SNED1: variants seen among roughly 807,000 people sequenced by gnomAD.
SNED1 encodes sushi, nidogen and EGF like domains 1.
SNED1 carries 81 observed loss-of-function variants against 166.7 expected under a neutral mutation model. The observed-to-expected ratio is 0.49, with a 90% CI of 0.41 to 0.58. The LOEUF is 0.58. Ranked by LOEUF, SNED1 falls within the 20% of genes least tolerant of loss-of-function variation. The probability of loss-of-function intolerance (pLI) is 0.00; values close to 1 mark genes in which losing one functional copy is unlikely to be tolerated. For missense variants in SNED1, 1,604 were observed against 2,000.2 expected, an observed-to-expected ratio of 0.80 and a Z score of 3.78; for synonymous variants, 762 against 822.0, an observed-to-expected ratio of 0.93 and a Z score of 1.25.
At chr2:241,031,918 C>T (rs752339569) in intron 2 of SNED1, among the ~76,000 whole-genome samples, 1 of 152,222 alleles carries the variant, frequency 6.6e-6, no homozygotes, top group Non-Finnish European at 1.5e-5. Flanking sequence ...ACCTGCACCC[C>T]ATGACTGGAC....
intron 16 of SNED1, among the ~76,000 whole-genome samples, chr2:241,058,002 T>G (rs1231511212): frequency 2.0e-5 from 3 of 152,170 alleles, no homozygotes; most frequent in African/African-American, 7.2e-5. Flanking sequence ...ATGAATGGAC[T>G]AACTCTCCAG....
At position 241,071,714 on chromosome 2, in the gene SNED1, C is replaced by T. The variant is rs534077572; in HGVS notation, c.3728C>T (p.Pro1243Leu). 2 of 1,501,046 alleles carry T rather than the reference C, an allele frequency of 1.3e-6. No individual in the cohort carries two copies. Among genetic ancestry groups the T allele is most frequent in the African/African-American group, 2.8e-5 (2 of 72,342 alleles). The allele number at this position is 1,501,046 out of a possible 1,614,324, so 93.0% of individuals were successfully genotyped here. Residue 1243 changes from proline to leucine, a missense_variant, in exon 25 of 32, where the codon CCC (proline) becomes CTC (leucine). Coordinates refer to ENST00000310397, the MANE Select transcript of SNED1 (RefSeq NM_001080437.3). ...DHSAPETPTQ[P>L]PRFSELVDGR... is the part of the protein sequence containing the mutation. ...AGCGCCCCCGAGACCCCCACCCAGC[C>T]CCCCAGGTACATGCCCCACCCATCG...
chr2:241,057,305 GGA>G (rs1351385489), intron 16 of SNED1, among the ~76,000 whole-genome samples: 2 of 150,720 alleles, frequency 1.3e-5, no homozygotes, highest in African/African-American at 4.9e-5. Flanking sequence ...CTTGAACCTC[GGA>G]GGCGGAGGTT....
chr2:241,067,148 C>T (rs1029368939), intron 21 of SNED1, among the ~76,000 whole-genome samples: 1 of 152,156 alleles, frequency 6.6e-6, no homozygotes, highest in African/African-American at 2.4e-5. Flanking sequence ...GTTGGGGCTC[C>T]AGCCAGCCAT....
intron 8 of SNED1, among the ~76,000 whole-genome samples, chr2:241,044,000 G>A (rs1233144841): frequency 6.6e-6 from 1 of 152,216 alleles, no homozygotes; most frequent in Non-Finnish European, 1.5e-5. Flanking sequence ...CTGTTTGAAG[G>A]TAGGCTGTGT....
At chr2:241,004,136 G>A (rs1574834583) in intron 1 of SNED1, among the ~76,000 whole-genome samples, 2 of 152,350 alleles carry the variant, frequency 1.3e-5, no homozygotes, top group Non-Finnish European at 1.5e-5. Context: ...CCCACCAGGG[G>A]AGCCATGAAG....
At chr2:241,016,164 CA>C (rs1409575614) in intron 1 of SNED1, 6 of 130,466 alleles carry the variant, frequency 4.6e-5, no homozygotes, top group African/African-American at 1.9e-4. Flanking sequence ...GTGTTCCTAA[CA>C]AAAGCCCACT....
intron 21 of SNED1, among the ~76,000 whole-genome samples, chr2:241,065,907 T>G (rs2062427173): frequency 1.6e-5 from 2 of 128,202 alleles, no homozygotes. Flanking sequence ...CCCAAAAGGG[T>G]CCCTAGAAGG....
intron 29 of SNED1, among the ~76,000 whole-genome samples, chr2:241,084,084 T>C (rs1017032034): frequency 1.3e-5 from 2 of 151,834 alleles, no homozygotes; most frequent in African/African-American, 2.4e-5. Flanking sequence ...CTTAACACAA[T>C]GTACCCTTAA....
At chr2:241,087,979 A>C in intron 30 of SNED1, 1 of 400,878 alleles carries the variant, frequency 2.5e-6, no homozygotes, top group Non-Finnish European at 4.4e-6. Context: ...ATGAGTAGCC[A>C]CACGTACTTG....
At position 241,070,191 on chromosome 2, in the gene SNED1, C is replaced by T. The variant is rs780712708; in HGVS notation, c.3579C>T (p.Tyr1193=). The T allele has an allele frequency of 1.9e-6, 3 of 1,605,572 alleles. No individual in the cohort carries two copies. The Admixed American group carries it at 5.0e-5, about 27-fold the overall frequency. ...AGCACAGCGAGCCCGCCCACCTCTA[C>T]ATCATCACCTGTGAGTGCCGTGGGC... ...GPQHSEPAHL[Y]IITSPRDGAD... Residue 1193 remains tyrosine, a synonymous_variant, in exon 24 of 32, where the codon TAC becomes TAT. Coordinates refer to ENST00000310397, the MANE Select transcript of SNED1 (RefSeq NM_001080437.3).
intron 1 of SNED1, among the ~76,000 whole-genome samples, chr2:241,017,506 C>A (rs1450805216): frequency 6.6e-6 from 1 of 152,250 alleles, no homozygotes; most frequent in East Asian, 1.9e-4. Flanking sequence ...AAACACAACC[C>A]TAAGAAATGA....
chr2:241,052,394 G>A lies in SNED1; in HGVS notation c.2009G>A (p.Gly670Asp). 2 of 1,594,110 alleles carry A rather than the reference G, an allele frequency of 1.3e-6. No homozygotes were observed. Among genetic ancestry groups the A allele is most frequent in the Non-Finnish European group, 8.6e-7 (1 of 1,169,512 alleles). Residue 670 changes from glycine to aspartate, a missense_variant, in exon 15 of 32, where the codon GGC (glycine) becomes GAC (aspartate). Transcript: ENST00000310397. ...TTCCGGAGCCCGTGTGTGAATGGGG[G>A]CACCTGCGAGGACCGGGACACGGAT... is the stretch of plus-strand genomic sequence containing the variant. ...PCFRSPCVNG[G>D]TCEDRDTDFF...
At chr2:241,052,624 G>A (rs1054419783) in intron 15 of SNED1, among the ~76,000 whole-genome samples, 156 bp downstream of exon 15, 1 of 140,942 alleles carries the variant, frequency 7.1e-6, no homozygotes, top group African/African-American at 2.6e-5. Context: ...GTGCCAGGCA[G>A]GTGAGAGGGC....
intron 1 of SNED1, among the ~76,000 whole-genome samples, chr2:241,002,796 C>A (rs2060115140): frequency 6.6e-6 from 1 of 152,064 alleles, no homozygotes; most frequent in South Asian, 2.1e-4. Context: ...TCAGTGGGAC[C>A]CAAACAGAAG....
rs1332394798 is a variant in SNED1, at chr2:241,064,620, C to T, written c.2600-224C>T. Among the ~76,000 whole-genome samples the T allele has an allele frequency of 6.6e-6, 1 of 152,214 alleles. No homozygotes were observed. Among genetic ancestry groups the T allele is most frequent in the African/African-American group, 2.4e-5 (1 of 41,452 alleles). Reference sequence around the variant, plus strand: ...TGATCCAGTGTCTCCTCCCCTCAGCCAGTCCGGCTGGTGGCACTCCGCTGT... The same window carrying T: ...TGATCCAGTGTCTCCTCCCCTCAGCTAGTCCGGCTGGTGGCACTCCGCTGT... On this transcript the variant is annotated intron_variant, in intron 19 of 31. Transcript: ENST00000310397. This position sits in a 1 kb window ranked among gnomAD's most constrained non-coding sequence, Gnocchi z 7.0.
chr2:241,012,027 G>T (rs964993090), intron 1 of SNED1, among the ~76,000 whole-genome samples: 1 of 152,204 alleles, frequency 6.6e-6, no homozygotes, highest in Non-Finnish European at 1.5e-5. Context: ...CGAGGCCTCT[G>T]CACACCGCAC....
chr2:240,999,033 G>A lies in SNED1; in HGVS notation c.196G>A (p.Glu66Lys). The A allele has an allele frequency of 2.3e-6, 3 of 1,321,792 alleles. No individual in the cohort carries two copies. The highest frequency in any genetic ancestry group is 3.7e-5 in the South Asian group (2 of 54,462). The allele number at this position is 1,321,792 out of a possible 1,614,324, so 81.9% of individuals were successfully genotyped here. ...GGTGCCCTTCCCGTTCTTCGGTGCC[G>A]AGCACTCCGGACTCTACGTGAGTAA... The part of the protein sequence containing the change: ...LSVPFPFFGA[E>K]HSGLYVNNNG... Residue 66 changes from glutamate (E) to lysine (K), a missense_variant, in exon 1 of 32, where the codon GAG (glutamate) becomes AAG (lysine). Coordinates refer to ENST00000310397, the MANE Select transcript of SNED1 (RefSeq NM_001080437.3). This position sits in a 1 kb window ranked among gnomAD's most constrained non-coding sequence, Gnocchi z 5.8.
chr2:241,049,191 G>A lies in SNED1; in HGVS notation c.1618+56G>A, dbSNP rs2061753292. The A allele has an allele frequency of 2.2e-6, 3 of 1,365,094 alleles. No individual in the cohort carries two copies. The Admixed American group carries it at 5.8e-5, about 26-fold the overall frequency. The allele number at this position is 1,365,094 out of a possible 1,614,324, so 84.6% of individuals were successfully genotyped here. ...CGGGGGCCCGGACAGAAGCCAGGGA[G>A]AAAGCGGTGGATGAGGCAGGCAGAG... On this transcript the variant is annotated intron_variant, in intron 11 of 31. Coordinates refer to ENST00000310397, the MANE Select transcript of SNED1 (RefSeq NM_001080437.3).
Sources: gnomAD v4.1 joint callset for allele counts (sites outside exome capture counted in the v4.1 genomes callset) on GRCh38, gnomAD v4.1.1 for gene constraint, Gnocchi (gnomAD v3.1) non-coding constraint, MANE v1.5 for transcripts, NCBI Gene and HGNC (gene_info 2026-07-23, HGNC 2026-07-21) for gene names.